The following PLB1 variants were observed in gnomAD, a reference collection of about 807,000 sequenced individuals.
PLB1 encodes the protein phospholipase B1, also known as phospholipase B1, membrane-associated.
PLB1 carries 242 observed loss-of-function variants against 227.4 expected under a neutral mutation model. The ratio of observed to expected loss-of-function variants is 1.06; its 90% CI spans 0.96 to 1.18. The LOEUF is 1.18. Ranked by LOEUF, PLB1 falls within the 50% of genes most tolerant of loss-of-function variation. The pLI is 0.00. For missense variants in PLB1, 1,858 were observed against 1,816.3 expected, an observed-to-expected ratio of 1.02 and a Z score of -0.42; for synonymous variants, 757 against 682.2, an observed-to-expected ratio of 1.11 and a Z score of -1.71.
At chr2:28,611,236 C>T (rs6714669) in intron 43 of PLB1, among the ~76,000 whole-genome samples, 7,270 of 152,224 alleles carry the variant, frequency 0.048, 564 homozygotes, top group African/African-American at 0.16. Context: ...CTCTAGCCCT[C>T]TAGCTCTGCC....
At position 28,541,816 on chromosome 2, in the gene PLB1, G is replaced by A. The variant is rs1041415482; in HGVS notation, c.879+5G>A. On this transcript the variant is annotated splice_donor_5th_base_variant and intron_variant, in intron 13 of 57. Coordinates refer to ENST00000327757, the MANE Select transcript of PLB1 (RefSeq NM_153021.5). Reference sequence around the variant, plus strand: ...ACCACCCCATCTCTACACTCGGTAAGTGGGGGCTGCATGGCGTATCAAGAG... The same window carrying A: ...ACCACCCCATCTCTACACTCGGTAAATGGGGGCTGCATGGCGTATCAAGAG... 2.5e-6 allele frequency: 4 copies of A among 1,604,030 alleles called. No individual in the cohort carries two copies. The highest frequency in any genetic ancestry group is 2.7e-5 in the African/African-American group (2 of 74,692).
chr2:28,616,243 A>G (rs964928006), intron 44 of PLB1, among the ~76,000 whole-genome samples: 3 of 152,274 alleles, frequency 2.0e-5, no homozygotes, highest in African/African-American at 7.2e-5. Context: ...TTCCCAACAC[A>G]AAGAAATGGT....
chr2:28,607,396 G>A (rs1307603066), intron 43 of PLB1, among the ~76,000 whole-genome samples: 1 of 152,072 alleles, frequency 6.6e-6, no homozygotes, highest in Non-Finnish European at 1.5e-5. Flanking sequence ...TGAGAGAGTG[G>A]GCACCCCTGT....
At chr2:28,573,457 T>A (rs1678368405) in intron 21 of PLB1, 152 bp downstream of exon 21, 1 of 636,038 alleles carries the variant, frequency 1.6e-6, no homozygotes, top group African/African-American at 1.8e-5. Flanking sequence ...CTCTTGGAGG[T>A]GTCACAGAAA....
rs375428349 is a variant in PLB1, at chr2:28,609,381, C to T, written c.3129+2814C>T. Among the ~76,000 whole-genome samples, 74 of 152,160 alleles carry T rather than the reference C, an allele frequency of 4.9e-4. 1 individual carries two copies. The South Asian group carries it at 0.014, about 29-fold the overall frequency. The stretch of plus-strand genomic sequence containing the variant: ...TCCTCTATTTCTGACCTTTAAAATA[C>T]ATTTCCCCTTGGATGCTCTATCTGG... On this transcript the variant is annotated intron_variant, in intron 43 of 57. Transcript: ENST00000327757.
chr2:28,504,222 T>C (rs952045000), intron 1 of PLB1, among the ~76,000 whole-genome samples: 2 of 152,230 alleles, frequency 1.3e-5, no homozygotes, highest in African/African-American at 4.8e-5. Flanking sequence ...TACCATCTTC[T>C]TGTCTTTCTA....
intron 1 of PLB1, among the ~76,000 whole-genome samples, chr2:28,507,010 G>A (rs1378973761): frequency 6.6e-6 from 1 of 152,122 alleles, no homozygotes; most frequent in East Asian, 1.9e-4. Flanking sequence ...CTTCTTGTTG[G>A]GGCTTACTGA....
intron 56 of PLB1, among the ~76,000 whole-genome samples, chr2:28,636,308 C>G (rs1008360153): frequency 2.0e-5 from 3 of 152,190 alleles, no homozygotes; most frequent in Non-Finnish European, 4.4e-5. Context: ...AGGAGATCCA[C>G]CCACCTCGGC....
chr2:28,513,735 A>G (rs1338585862), intron 1 of PLB1, among the ~76,000 whole-genome samples: 1 of 152,246 alleles, frequency 6.6e-6, no homozygotes, highest in Non-Finnish European at 1.5e-5. Context: ...CAGAAAAAAT[A>G]AAAGACCTAG....
At chr2:28,620,504 G>A in intron 47 of PLB1, 96 bp from the exon 48 acceptor site, 3 of 1,472,808 alleles carry the variant, frequency 2.0e-6, no homozygotes, top group Non-Finnish European at 1.8e-6. Flanking sequence ...ACGCCCCAGG[G>A]GCCCAGAACC....
intron 1 of PLB1, among the ~76,000 whole-genome samples, chr2:28,502,029 A>G (rs1390761024): frequency 1.3e-5 from 2 of 152,164 alleles, no homozygotes; most frequent in Admixed American, 1.3e-4. Context: ...GAACACACAT[A>G]TAGATTTGTT....
intron 56 of PLB1, among the ~76,000 whole-genome samples, chr2:28,634,231 C>T (rs1186348118): frequency 6.6e-6 from 1 of 152,194 alleles, no homozygotes; most frequent in Non-Finnish European, 1.5e-5. Context: ...CCCAAGACTC[C>T]GGATTGTAAC....
Position 28,529,419 on chromosome 2 carries a change from T to C in PLB1, c.416+12T>C. On this transcript the variant is annotated intron_variant, in intron 7 of 57. Coordinates refer to ENST00000327757, the MANE Select transcript of PLB1 (RefSeq NM_153021.5). ...CACGATGGTGCTGAGTAAGTTCCCT[T>C]TCTGTCTCTCTCTGAGGTTATGTGT... 6.4e-7 allele frequency: 1 copy of C among 1,572,736 alleles called. No individual in the cohort carries two copies. Among genetic ancestry groups the C allele is most frequent in the Non-Finnish European group, 8.8e-7 (1 of 1,142,554 alleles).
At chr2:28,504,934 G>A (rs190186712) in intron 1 of PLB1, among the ~76,000 whole-genome samples, 52 of 152,266 alleles carry the variant, frequency 3.4e-4, no homozygotes, top group African/African-American at 1.3e-3. Context: ...CCTTGAAAAT[G>A]TACTTATGAG....
Position 28,532,167 on chromosome 2 carries a change from G to T in PLB1, c.528G>T (p.Gln176His). 6.2e-7 allele frequency: 1 copy of T among 1,613,140 alleles called. No homozygotes were observed. Residue 176 changes from glutamine to histidine, a missense_variant, in exon 9 of 58, where the codon CAG becomes CAT. Physicochemically the swap from Gln to His is conservative, Grantham distance 24. Transcript: ENST00000327757. ...LINVFFSNAS[Q>H]CYLCPSAQQN... ...ATGTGTTCTTCAGTAATGCAAGCCA[G>T]TGTTACCTGTGCCCCTCTGCTCAAC...
intron 9 of PLB1, among the ~76,000 whole-genome samples, chr2:28,535,914 T>C (rs533266312): frequency 6.6e-6 from 1 of 152,118 alleles, no homozygotes; most frequent in African/African-American, 2.4e-5. Context: ...AGTGAGACTC[T>C]GTCTTTAAAA....
rs376836009 is a variant in PLB1, at chr2:28,565,403, G to C, written c.1280+50G>C. On this transcript the variant is annotated intron_variant, in intron 19 of 57. Coordinates refer to ENST00000327757, the MANE Select transcript of PLB1 (RefSeq NM_153021.5). The stretch of plus-strand genomic sequence containing the variant: ...CAAAGGCCCCTTCATTGCAGAGCAA[G>C]GGAAGCCCCCTGAGTGTTCTAGAAA... 57 of 1,525,930 alleles carry C rather than the reference G, an allele frequency of 3.7e-5. 1 individual carries two copies. The African/African-American group carries it at 7.1e-4, about 19-fold the overall frequency. The allele number at this position is 1,525,930 out of a possible 1,614,324, so 94.5% of individuals were successfully genotyped here.
At position 28,632,025 on chromosome 2, in the gene PLB1, T is replaced by C. The variant is rs536908953; in HGVS notation, c.3898-11T>C. 12 of 1,609,794 alleles carry C rather than the reference T, an allele frequency of 7.5e-6. No homozygotes were observed. In the South Asian group the frequency reaches 1.2e-4, roughly 16 times the overall value. Reference sequence around the variant, plus strand: ...CCAGGAGGGTTGAGCAGCTTCTCTCTCTGTCCCCAGCATGGCATCTCCAGT... The same window carrying C: ...CCAGGAGGGTTGAGCAGCTTCTCTCCCTGTCCCCAGCATGGCATCTCCAGT... On this transcript the variant is annotated splice_polypyrimidine_tract_variant and intron_variant, in intron 54 of 57. Coordinates refer to ENST00000327757, the MANE Select transcript of PLB1 (RefSeq NM_153021.5).
intron 14 of PLB1, among the ~76,000 whole-genome samples, chr2:28,547,078 A>G (rs12996539): frequency 0.4 from 61,166 of 151,592 alleles, 12,722 homozygotes; most frequent in South Asian, 0.48. Context: ...TCACACACCT[A>G]TAGTCCCAGC....
Sources: gnomAD v4.1 joint callset for allele counts (sites outside exome capture counted in the v4.1 genomes callset) on GRCh38, gnomAD v4.1.1 for gene constraint, MANE v1.5 for transcripts, NCBI Gene and HGNC (gene_info 2026-07-23, HGNC 2026-07-21) for gene names.